Variants in LRP2 observed in about 807,000 individuals in gnomAD.
LRP2 encodes the protein low-density lipoprotein receptor-related protein 2.
Under a neutral mutation model 531.0 loss-of-function variants are expected in LRP2, and 172 were observed. The observed-to-expected ratio is 0.32, with a 90% confidence interval of 0.29 to 0.37. LRP2 has a LOEUF of 0.37. Among genes scored for constraint, LRP2 ranks in the 10% least tolerant of loss-of-function variants. LRP2 has a pLI of 1.00. For synonymous variants in LRP2, 1,992 were observed against 2,027.6 expected, an observed-to-expected ratio of 0.98 and a Z score of 0.47; for missense variants, 5,167 against 5,868.3, an observed-to-expected ratio of 0.88 and a Z score of 3.90.
chr2:169,241,076 A>G lies in LRP2; in HGVS notation c.3957T>C (p.Cys1319=). 1 of 1,614,140 alleles carries G rather than the reference A, an allele frequency of 6.2e-7. No homozygotes were observed. Among genetic ancestry groups the G allele is most frequent in the Non-Finnish European group, 8.5e-7 (1 of 1,179,976 alleles). The change falls in exon 25 of 79, where the codon TGT becomes TGC. Residue 1319 remains cysteine, a synonymous_variant. Coordinates refer to ENST00000649046, the MANE Select transcript of LRP2 (RefSeq NM_004525.3). ...GATTCACACAGATGTTATGGCCAAGACACTGCCATTGCCAACTAGGACAGC... is the reference window on the plus strand; with the variant it reads ...GATTCACACAGATGTTATGGCCAAGGCACTGCCATTGCCAACTAGGACAGC... The part of the protein sequence containing the change: ...PFRCPSWQWQ[C]LGHNICVNLS...
chr2:169,274,105 A>G (rs1683491552), intron 14 of LRP2, among the ~76,000 whole-genome samples: 1 of 152,172 alleles, frequency 6.6e-6, no homozygotes, highest in Non-Finnish European at 1.5e-5. Context: ...TAGATCCATC[A>G]CTTAACATGA....
intron 16 of LRP2, among the ~76,000 whole-genome samples, chr2:169,261,443 T>C (rs1404289885): frequency 6.6e-6 from 1 of 151,272 alleles, no homozygotes; most frequent in African/African-American, 2.4e-5. Context: ...CTCCCAAGTA[T>C]CTGGCACTAC....
intron 13 of LRP2, among the ~76,000 whole-genome samples, chr2:169,275,929 T>C (rs1683541212): frequency 6.6e-6 from 1 of 151,968 alleles, no homozygotes; most frequent in African/African-American, 2.4e-5. Flanking sequence ...TATGTCTCCA[T>C]AAACAATGAT....
In LRP2 at chr2:169,244,875, T is replaced by A; in HGVS notation, c.3248A>T (p.His1083Leu). The A allele has an allele frequency of 6.2e-7, 1 of 1,614,254 alleles. No individual in the cohort carries two copies. The change falls in exon 22 of 79, where the codon CAC becomes CTC. Residue 1083 changes from histidine to leucine, a missense_variant. Physicochemically the swap from His to Leu is moderately conservative, Grantham distance 99. This residue lies in a region of LRP2 where 2,811 missense variants were observed against 3,058.0 expected (regional missense o/e 0.92). Coordinates refer to ENST00000649046, the MANE Select transcript of LRP2 (RefSeq NM_004525.3). The stretch of plus-strand genomic sequence containing the variant: ...GTCGTTGCGTTTGTCACAGCGCCAG[T>A]GTGCAGGAATGCACTCCCCATGGCC... Reference protein sequence around the residue: ...TCGHGECIPAHWRCDKRNDCV... With the variant: ...TCGHGECIPALWRCDKRNDCV...
In LRP2 at chr2:169,185,754, T is replaced by C; in HGVS notation, c.9594A>G (p.Glu3198=). The C allele has an allele frequency of 6.2e-6, 10 of 1,613,778 alleles. No homozygotes were observed. The highest frequency in any genetic ancestry group is 8.5e-6 in the Non-Finnish European group (10 of 1,179,972). Residue 3198 remains glutamate (E), a synonymous_variant, in exon 50 of 79, where the codon GAA becomes GAG. Coordinates refer to ENST00000649046, the MANE Select transcript of LRP2 (RefSeq NM_004525.3). ...AACGGTTGCTAAAAATGAGATAGGG[T>C]TCGATGTTACTGTTTTGCCGGCAGG... ...GKTCRQNSNI[E]PYLIFSNRYY...
intron 24 of LRP2, 76 bp downstream of exon 24, chr2:169,242,880 T>G (rs1689858874): frequency 9.6e-7 from 1 of 1,046,972 alleles, no homozygotes; most frequent in Admixed American, 1.7e-5. Flanking sequence ...GGAAAATGTG[T>G]GGCAATATCA....
chr2:169,260,850 A>C (rs1391528475), intron 16 of LRP2, among the ~76,000 whole-genome samples: 2 of 148,352 alleles, frequency 1.3e-5, no homozygotes, highest in African/African-American at 4.9e-5. Flanking sequence ...AGAAAAAGAA[A>C]AGATCTCCAG....
In LRP2 at chr2:169,173,227, G is replaced by A; in HGVS notation, c.11015-3C>T. 1 of 1,614,142 alleles carries A rather than the reference G, an allele frequency of 6.2e-7. No individual in the cohort carries two copies. The highest frequency in any genetic ancestry group is 2.2e-5 in the East Asian group (1 of 44,886). ...GTCACAGAGATGGGCAGAGCTCACT[G>A]AAAAGGGAGGAGGCATCAAAGTCAG... On this transcript the variant is annotated splice_region_variant and splice_polypyrimidine_tract_variant and intron_variant, in intron 56 of 78. Transcript: ENST00000649046.
chr2:169,179,059 G>C (rs1478424118), intron 52 of LRP2, among the ~76,000 whole-genome samples: 1 of 151,710 alleles, frequency 6.6e-6, no homozygotes, highest in East Asian at 1.9e-4. Context: ...GCCCAAGCTG[G>C]AGTACAGTTG....
At chr2:169,243,236 A>ATCAACC (rs1408009073) in intron 23 of LRP2, among the ~76,000 whole-genome samples, 164 bp from the exon 24 acceptor site, 2 of 152,122 alleles carry the variant, frequency 1.3e-5, no homozygotes, top group Non-Finnish European at 2.9e-5. Flanking sequence ...TGCTGCACCC[A>ATCAACC]TCAACCCATC....
chr2:169,220,163 T>C (rs1400981178), intron 34 of LRP2, among the ~76,000 whole-genome samples: 1 of 152,194 alleles, frequency 6.6e-6, no homozygotes, highest in Admixed American at 6.5e-5. Flanking sequence ...TCAGAATATA[T>C]TGTCAATTCT....
Position 169,175,344 on chromosome 2 carries a change from T to A in LRP2, c.10617A>T (p.Ser3539=), listed in dbSNP as rs1314365570. ...WWKCDGQKDC[S]DGSDELALCP... ...AAAGGGCCAGTTCATCAGAGCCATC[T>A]GAGCAGTCTTTCTGTCCATCACATT... Residue 3539 remains serine (S), a synonymous_variant, in exon 55 of 79, where the codon TCA becomes TCT. Transcript: ENST00000649046. The A allele has an allele frequency of 6.2e-7, 1 of 1,614,218 alleles. No individual in the cohort carries two copies. Among genetic ancestry groups the A allele is most frequent in the South Asian group, 1.1e-5 (1 of 91,090 alleles).
Position 169,198,711 on chromosome 2 carries a change from C to T in LRP2, c.8578+75G>A, listed in dbSNP as rs368350398. 1.6e-4 allele frequency: 257 copies of T among 1,560,428 alleles called. 1 individual carries two copies. The African/African-American group carries it at 2.8e-3, about 17-fold the overall frequency. On this transcript the variant is annotated intron_variant, in intron 45 of 78. Coordinates refer to ENST00000649046, the MANE Select transcript of LRP2 (RefSeq NM_004525.3). Reference sequence around the variant, plus strand: ...CAATTGAAATCAGCCCGAATACCCACGCTTCATATCTTTGTATTAGCTCAC... The same window carrying T: ...CAATTGAAATCAGCCCGAATACCCATGCTTCATATCTTTGTATTAGCTCAC...
chr2:169,176,338 C>T lies in LRP2; in HGVS notation c.10571+73G>A, dbSNP rs960621555. On this transcript the variant is annotated intron_variant, in intron 54 of 78. Coordinates refer to ENST00000649046, the MANE Select transcript of LRP2 (RefSeq NM_004525.3). ...CTTGTCTCACTAGAAAACTCCCATC[C>T]CTTGGAGCCTTGAAGGTCAATGTCT... The T allele has an allele frequency of 3.8e-6, 6 of 1,579,764 alleles. No individual in the cohort carries two copies. The African/African-American group carries it at 4.0e-5, about 11-fold the overall frequency.
rs575218183 is a variant in LRP2 at position 169,158,191 on chromosome 2, C to A, written c.11888-689G>T. 2.0e-5 allele frequency among the ~76,000 whole-genome samples: 3 copies of A among 151,792 alleles called. No homozygotes were observed. In the South Asian group the frequency reaches 6.2e-4, roughly 32 times the overall value. On this transcript the variant is annotated intron_variant, in intron 63 of 78. Coordinates refer to ENST00000649046, the MANE Select transcript of LRP2 (RefSeq NM_004525.3). ...CTGCTCTTAGAGCCATAAATTAGTA[C>A]ACAAGGAAAGAAATTTTGTACTATG...
At chr2:169,149,905 A>C (rs998604796) in intron 68 of LRP2, among the ~76,000 whole-genome samples, 1 of 152,188 alleles carries the variant, frequency 6.6e-6, no homozygotes, top group Non-Finnish European at 1.5e-5. Context: ...TATGATAATA[A>C]TATCAGATGA....
Position 169,198,767 on chromosome 2 carries a change from G to A in LRP2, c.8578+19C>T, listed in dbSNP as rs184250625. The A allele has an allele frequency of 3.6e-5, 58 of 1,612,458 alleles. No homozygotes were observed. The Admixed American group carries it at 9.3e-4, about 26-fold the overall frequency. ...GCATCTCTGGAACGATAGAAAGAAA[G>A]CAGTTTTATCTTACTCACTGCAATA... On this transcript the variant is annotated intron_variant, in intron 45 of 78. Transcript: ENST00000649046.
At chr2:169,311,821 T>A (rs867764491) in intron 3 of LRP2, among the ~76,000 whole-genome samples, 6 of 152,266 alleles carry the variant, frequency 3.9e-5, no homozygotes, top group South Asian at 4.1e-4. Context: ...CCCATTATTA[T>A]TGTGTGGGAG....
chr2:169,144,057 G>C (rs1470560697), intron 70 of LRP2, among the ~76,000 whole-genome samples: 1 of 152,308 alleles, frequency 6.6e-6, no homozygotes, highest in East Asian at 1.9e-4. Context: ...GATTCAGAAG[G>C]TCTGGGGTGG....
Sources: gnomAD v4.1 joint callset for allele counts (sites outside exome capture counted in the v4.1 genomes callset) on GRCh38, gnomAD v4.1.1 for gene constraint, gnomAD v4.1.1 regional missense constraint, MANE v1.5 for transcripts, NCBI Gene and HGNC (gene_info 2026-07-23, HGNC 2026-07-21) for gene names.